SHROOM3: variants seen among roughly 807,000 people sequenced by gnomAD.
The protein encoded by SHROOM3 is protein Shroom3.
In SHROOM3, 47 loss-of-function variants were observed where a neutral mutation model predicts 138.6. The observed-to-expected ratio is 0.34, with a 90% CI of 0.27 to 0.43. The LOEUF is 0.43. Ranked by LOEUF, SHROOM3 falls within the 20% of genes least tolerant of loss-of-function variation. The probability of loss-of-function intolerance (pLI) is 1.00; values close to 1 mark genes in which losing one functional copy is unlikely to be tolerated. For missense variants in SHROOM3, 2,491 were observed against 2,596.5 expected, an observed-to-expected ratio of 0.96 and a Z score of 0.88; for synonymous variants, 1,062 against 1,063.3, an observed-to-expected ratio of 1.00 and a Z score of 0.02.
chr4:76,552,380 G>A (rs1270912027), intron 1 of SHROOM3, among the ~76,000 whole-genome samples: 6 of 150,708 alleles, frequency 4.0e-5, no homozygotes, highest in Admixed American at 6.6e-5. Flanking sequence ...GTTGGCACAC[G>A]CCTATAGTCC....
chr4:76,680,163 C>T (rs1179709427), intron 2 of SHROOM3, among the ~76,000 whole-genome samples: 4 of 141,204 alleles, frequency 2.8e-5, no homozygotes, highest in African/African-American at 5.2e-5. Flanking sequence ...TTTTTTGAGA[C>T]GGAGTCTCGC....
At chr4:76,505,837 T>C (rs1478370684) in intron 1 of SHROOM3, among the ~76,000 whole-genome samples, 1 of 151,914 alleles carries the variant, frequency 6.6e-6, no homozygotes, top group Admixed American at 6.6e-5. Context: ...TTATTATTAT[T>C]AGTTTTTGTA....
chr4:76,768,513 A>C (rs188170159), intron 9 of SHROOM3, among the ~76,000 whole-genome samples: 4 of 152,182 alleles, frequency 2.6e-5, no homozygotes, highest in East Asian at 1.9e-4. Flanking sequence ...GAGATGGTGC[A>C]GCAGATGTGA....
intron 1 of SHROOM3, among the ~76,000 whole-genome samples, chr4:76,463,917 G>A (rs1372695376): frequency 7.9e-5 from 12 of 152,244 alleles, no homozygotes; most frequent in Non-Finnish European, 1.6e-4. Context: ...TGGATGTCCA[G>A]GTAGACGTCT....
intron 2 of SHROOM3, among the ~76,000 whole-genome samples, chr4:76,652,474 T>C (rs140693215): frequency 8.5e-5 from 13 of 152,270 alleles, no homozygotes; most frequent in African/African-American, 2.9e-4. Flanking sequence ...TGAATATGCA[T>C]GTATGAAAAG....
At position 76,741,145 on chromosome 4, in the gene SHROOM3, C is replaced by A. The variant is rs368015142; in HGVS notation, c.2972C>A (p.Ala991Asp). Residue 991 changes from alanine (A) to aspartate (D), a missense_variant, in exon 5 of 11, where the codon GCT (alanine) becomes GAT (aspartate). Ala to Asp is a moderately radical substitution (Grantham distance 126, BLOSUM62 -2). Around this residue, in one of 4 missense-constraint regions of SHROOM3, gnomAD observed 1,733 missense variants for 1,661.6 expected, o/e 1.04. Coordinates refer to ENST00000296043, the MANE Select transcript of SHROOM3 (RefSeq NM_020859.4). This position sits in a 1 kb window ranked among gnomAD's most constrained non-coding sequence, Gnocchi z 6.2. Reference sequence around the variant, plus strand: ...CGGGAGCGGCACAGCGTGACCCCTGCTGAGGGCGACCTGGCCAGGCCCGTG... The same window carrying A: ...CGGGAGCGGCACAGCGTGACCCCTGATGAGGGCGACCTGGCCAGGCCCGTG... ...TPRERHSVTP[A>D]EGDLARPVPP... 2.1e-4 allele frequency: 327 copies of A among 1,564,330 alleles called. No individual in the cohort carries two copies. Among genetic ancestry groups the A allele is most frequent in the Non-Finnish European group, 3.5e-5 (40 of 1,155,764 alleles).
Position 76,545,840 on chromosome 4 carries a change from G to T in SHROOM3, c.169-9769G>T, listed in dbSNP as rs556971089. Among the ~76,000 whole-genome samples the T allele has an allele frequency of 7.2e-5, 11 of 152,246 alleles. No individual in the cohort carries two copies. The East Asian group carries it at 1.7e-3, about 24-fold the overall frequency. On this transcript the variant is annotated intron_variant, in intron 1 of 10. Transcript: ENST00000296043. ...CGAAGAAGGTGCAAATTTCGCCCAA[G>T]ATCACCTAGTATTGGAAGTGGGATT...
At position 76,552,012 on chromosome 4, in the gene SHROOM3, C is replaced by A. The variant is rs546137691; in HGVS notation, c.169-3597C>A. 8.5e-5 allele frequency among the ~76,000 whole-genome samples: 12 copies of A among 141,002 alleles called. No individual in the cohort carries two copies. In the East Asian group the frequency reaches 1.1e-3, roughly 12 times the overall value. 92.5% of individuals were successfully genotyped at this position (141,002 alleles called of 152,430 possible). The stretch of plus-strand genomic sequence containing the variant: ...GAGTAGCTGGGACTACAGGCGCCCG[C>A]CATCACGCCCGGCTAATTTTTTGTA... On this transcript the variant is annotated intron_variant, in intron 1 of 10. Transcript: ENST00000296043.
chr4:76,706,700 T>C (rs1184039054), intron 2 of SHROOM3, among the ~76,000 whole-genome samples: 1 of 152,230 alleles, frequency 6.6e-6, no homozygotes, highest in African/African-American at 2.4e-5. Flanking sequence ...CTGTACTTTA[T>C]TCATTCAACA....
intron 1 of SHROOM3, among the ~76,000 whole-genome samples, chr4:76,516,928 T>C (rs1226487854): frequency 6.6e-6 from 1 of 152,230 alleles, no homozygotes; most frequent in African/African-American, 2.4e-5. Flanking sequence ...ATTTTAATGA[T>C]GAGTTATTTA....
intron 2 of SHROOM3, among the ~76,000 whole-genome samples, chr4:76,680,443 C>T (rs1057033271): frequency 2.0e-5 from 3 of 152,190 alleles, no homozygotes; most frequent in African/African-American, 7.2e-5. Context: ...CTGGCCCGAC[C>T]TATACCTTTT....
At chr4:76,674,652 T>C (rs1235899345) in intron 2 of SHROOM3, among the ~76,000 whole-genome samples, 1 of 140,260 alleles carries the variant, frequency 7.1e-6, no homozygotes, top group Non-Finnish European at 1.5e-5. Context: ...GTCCCCAGGC[T>C]CAAGTGATCC....
intron 9 of SHROOM3, among the ~76,000 whole-genome samples, chr4:76,760,712 C>T (rs1721961609): frequency 6.6e-6 from 1 of 152,328 alleles, no homozygotes; most frequent in Admixed American, 6.5e-5. Context: ...AAGCTCCCTG[C>T]TAGCCCAAAG....
At position 76,782,365 on chromosome 4, in the gene SHROOM3, G is replaced by A. The variant is rs1722755333; in HGVS notation, c.*3188G>A. On this transcript the variant is annotated 3_prime_UTR_variant, in exon 11 of 11. Transcript: ENST00000296043. Reference sequence around the variant, plus strand: ...GGCTGTCTTTTAAGGTGAGGAGTGTGGGCTTAACTGAGGTCCTTTGAGGGA... The same window carrying A: ...GGCTGTCTTTTAAGGTGAGGAGTGTAGGCTTAACTGAGGTCCTTTGAGGGA... 6.6e-6 allele frequency: 1 copy of A among 152,180 alleles called. No individual in the cohort carries two copies. The highest frequency in any genetic ancestry group is 6.5e-5 in the Admixed American group (1 of 15,280). The allele number at this position is 152,180 out of a possible 1,614,324, so 9.4% of individuals were successfully genotyped here. A position where few individuals can be genotyped will look rare whatever the true frequency, so the allele number is the denominator to read the frequency against.
intron 1 of SHROOM3, among the ~76,000 whole-genome samples, chr4:76,476,623 T>G (rs1275652295): frequency 2.0e-5 from 3 of 152,280 alleles, no homozygotes; most frequent in African/African-American, 7.2e-5. Flanking sequence ...AAGATCTGAC[T>G]GTATAACCTT....
chr4:76,716,919 A>T (rs1297740517), intron 3 of SHROOM3, among the ~76,000 whole-genome samples: 1 of 152,148 alleles, frequency 6.6e-6, no homozygotes, highest in Non-Finnish European at 1.5e-5. Context: ...TCCTTCTCTG[A>T]TGCACTTCCT....
chr4:76,699,076 C>G (rs1719829301), intron 2 of SHROOM3, among the ~76,000 whole-genome samples: 1 of 152,212 alleles, frequency 6.6e-6, no homozygotes, highest in South Asian at 2.1e-4. Context: ...TAGCACCTGT[C>G]TTGCAGTGGT....
At chr4:76,487,089 C>G (rs1004880025) in intron 1 of SHROOM3, among the ~76,000 whole-genome samples, 2 of 152,144 alleles carry the variant, frequency 1.3e-5, no homozygotes, top group African/African-American at 4.8e-5. Context: ...AACAGTCATT[C>G]TCTGTTCCTC....
At chr4:76,660,945 A>G (rs1268244180) in intron 2 of SHROOM3, among the ~76,000 whole-genome samples, 1 of 151,974 alleles carries the variant, frequency 6.6e-6, no homozygotes, top group Non-Finnish European at 1.5e-5. Flanking sequence ...GACTACCGGC[A>G]TGTACCACCA....
Sources: gnomAD v4.1 joint callset for allele counts (sites outside exome capture counted in the v4.1 genomes callset) on GRCh38, gnomAD v4.1.1 for gene constraint, gnomAD v4.1.1 regional missense constraint, Gnocchi (gnomAD v3.1) non-coding constraint, MANE v1.5 for transcripts, NCBI Gene and HGNC (gene_info 2026-07-23, HGNC 2026-07-21) for gene names.